Variants in DPP10 observed in about 807,000 individuals in gnomAD.
DPP10 encodes dipeptidyl peptidase like 10.
DPP10 carries 33 observed loss-of-function variants against 120.9 expected under a neutral mutation model. The observed-to-expected ratio is 0.27, with a 90% CI of 0.21 to 0.37. DPP10 has a LOEUF of 0.37. Ranked by LOEUF, DPP10 falls within the 10% of genes least tolerant of loss-of-function variation. The pLI is 1.00. For missense variants in DPP10, 816 were observed against 942.8 expected (o/e 0.87, Z 1.76); for synonymous variants, 337 against 326.1 (o/e 1.03, Z -0.36).
chr2:115,804,408 T>C (rs1685657244), intron 19 of DPP10, among the ~76,000 whole-genome samples: 1 of 152,224 alleles, frequency 6.6e-6, no homozygotes, highest in Non-Finnish European at 1.5e-5. Context: ...AGTTTGATCT[T>C]CTGAACCCTT....
At chr2:114,715,601 A>T (rs1312464402) in intron 1 of DPP10, among the ~76,000 whole-genome samples, 2 of 152,086 alleles carry the variant, frequency 1.3e-5, no homozygotes, top group Admixed American at 6.5e-5. Flanking sequence ...ATAAAAAAAA[A>T]GTACATGTTG....
chr2:114,919,478 C>G (rs1467270039), intron 1 of DPP10, among the ~76,000 whole-genome samples: 3 of 152,276 alleles, frequency 2.0e-5, no homozygotes. Flanking sequence ...CAGTGAATAT[C>G]TTAATCAACT....
chr2:115,121,751 CTG>C (rs1019685568), intron 1 of DPP10, among the ~76,000 whole-genome samples: 9 of 152,160 alleles, frequency 5.9e-5, no homozygotes, highest in Non-Finnish European at 1.2e-4. Flanking sequence ...AGACTCCCTC[CTG>C]TTTGTGCATT....
At chr2:115,752,371 A>G (rs763449789) in intron 10 of DPP10, among the ~76,000 whole-genome samples, 9 of 152,152 alleles carry the variant, frequency 5.9e-5, no homozygotes, top group Non-Finnish European at 1.0e-4. Flanking sequence ...TACCTGTCCA[A>G]ATGTATGTGT....
intron 1 of DPP10, among the ~76,000 whole-genome samples, chr2:115,291,865 C>T (rs556455853): frequency 6.6e-6 from 1 of 152,162 alleles, no homozygotes; most frequent in Admixed American, 6.5e-5. Context: ...ACCACGTGCT[C>T]CCTAAAAATC....
At chr2:115,802,471 A>G (rs532616940) in intron 19 of DPP10, among the ~76,000 whole-genome samples, 119 of 152,200 alleles carry the variant, frequency 7.8e-4, no homozygotes, top group African/African-American at 2.7e-3. Flanking sequence ...GCCTTCTGCT[A>G]GCTTTTGAAT....
intron 1 of DPP10, among the ~76,000 whole-genome samples, chr2:114,540,813 C>T (rs1017780092): frequency 6.6e-6 from 1 of 152,168 alleles, no homozygotes; most frequent in Non-Finnish European, 1.5e-5. Flanking sequence ...TCTGCTTATA[C>T]GCCTCCTGCT....
intron 1 of DPP10, among the ~76,000 whole-genome samples, chr2:115,218,037 G>A (rs895098769): frequency 6.6e-6 from 1 of 152,074 alleles, no homozygotes; most frequent in Non-Finnish European, 1.5e-5. Context: ...GATGAGCATG[G>A]TTTCAGTGTC....
intron 5 of DPP10, among the ~76,000 whole-genome samples, chr2:115,629,211 A>G (rs187937294): frequency 1.0e-3 from 158 of 152,234 alleles, no homozygotes; most frequent in African/African-American, 3.8e-3. Flanking sequence ...AATCCAGTCT[A>G]TCATTGGTGG....
chr2:114,549,851 T>C (rs897389852), intron 1 of DPP10, among the ~76,000 whole-genome samples: 7 of 151,844 alleles, frequency 4.6e-5, no homozygotes, highest in Admixed American at 3.9e-4. Flanking sequence ...GTGTAAGAGA[T>C]CCTATCCTGG....
At chr2:114,688,859 G>A (rs1192236323) in intron 1 of DPP10, among the ~76,000 whole-genome samples, 2 of 151,826 alleles carry the variant, frequency 1.3e-5, no homozygotes, top group Non-Finnish European at 2.9e-5. Flanking sequence ...GGAGAAGTTA[G>A]GAGGACATAT....
At chr2:115,047,273 A>G (rs2105328085) in intron 1 of DPP10, among the ~76,000 whole-genome samples, 1 of 152,182 alleles carries the variant, frequency 6.6e-6, no homozygotes, top group Admixed American at 6.5e-5. Context: ...GATCCTTCCA[A>G]TCAGTTATCT....
At chr2:114,580,878 T>A (rs193124040) in intron 1 of DPP10, among the ~76,000 whole-genome samples, 1,803 of 152,240 alleles carry the variant, frequency 0.012, 17 homozygotes, top group Non-Finnish European at 0.02. Flanking sequence ...GGCTGTCAGC[T>A]CACTGCCATC....
chr2:115,395,269 T>G (rs2067599333), intron 3 of DPP10, among the ~76,000 whole-genome samples: 1 of 152,182 alleles, frequency 6.6e-6, no homozygotes, highest in Non-Finnish European at 1.5e-5. Context: ...CCCCAGTATC[T>G]CTTTTTACGT....
At chr2:114,511,574 G>A (rs369230064) in intron 1 of DPP10, among the ~76,000 whole-genome samples, 1 of 152,238 alleles carries the variant, frequency 6.6e-6, no homozygotes, top group Admixed American at 6.5e-5. Context: ...CTGATATCAG[G>A]GAAGCCCAAA....
chr2:115,254,473 C>A (rs575398926), intron 1 of DPP10, among the ~76,000 whole-genome samples: 1 of 152,290 alleles, frequency 6.6e-6, no homozygotes, highest in Non-Finnish European at 1.5e-5. Flanking sequence ...CCCCTGGACC[C>A]TCCCAAATCT....
intron 2 of DPP10, among the ~76,000 whole-genome samples, chr2:115,343,300 A>G (rs2063540068): frequency 6.6e-6 from 1 of 152,082 alleles, no homozygotes; most frequent in Non-Finnish European, 1.5e-5. Flanking sequence ...TCTACTTTGT[A>G]TTTGTTGGGT....
At chr2:115,189,257 C>T (rs1034329968) in intron 1 of DPP10, among the ~76,000 whole-genome samples, 1 of 152,044 alleles carries the variant, frequency 6.6e-6, no homozygotes, top group African/African-American at 2.4e-5. Flanking sequence ...AAGCTAATGC[C>T]GATTGGCTAT....
intron 1 of DPP10, among the ~76,000 whole-genome samples, chr2:114,758,868 A>G (rs1042160757): frequency 6.6e-6 from 1 of 152,342 alleles, no homozygotes; most frequent in Middle Eastern, 3.4e-3. Flanking sequence ...TTAAAAAACG[A>G]AATTTCAAAA....
Sources: gnomAD v4.1 joint callset for allele counts (sites outside exome capture counted in the v4.1 genomes callset) on GRCh38, gnomAD v4.1.1 for gene constraint, MANE v1.5 for transcripts, NCBI Gene and HGNC (gene_info 2026-07-23, HGNC 2026-07-21) for gene names.